PARG: variants seen among roughly 807,000 people sequenced by gnomAD.
PARG encodes the protein poly(ADP-ribose) glycohydrolase.
A neutral mutation model predicts 113.0 loss-of-function variants in PARG; 35 were observed. That is an observed-to-expected ratio of 0.31 (90% CI 0.24 to 0.41). The LOEUF is 0.41. Among genes scored for constraint, PARG ranks in the 10% least tolerant of loss-of-function variants. PARG has a pLI of 1.00. For missense variants in PARG, 797 were observed against 1,169.4 expected (o/e 0.68, Z 4.64); for synonymous variants, 330 against 409.9 (o/e 0.81, Z 2.36).
intron 9 of PARG, among the ~76,000 whole-genome samples, chr10:49,873,450 C>G (rs1221935943): frequency 1.3e-5 from 2 of 151,238 alleles, no homozygotes; most frequent in African/African-American, 4.9e-5. Context: ...GCACTCAGAG[C>G]ATTTTGCTCA....
At chr10:49,883,196 C>G (rs2573504) in intron 8 of PARG, among the ~76,000 whole-genome samples, 14 of 152,158 alleles carry the variant, frequency 9.2e-5, no homozygotes, top group African/African-American at 2.4e-4. Flanking sequence ...GACATGTATG[C>G]GTTGTTTTCT....
In PARG at chr10:49,848,337, G is replaced by A. The variant is rs1454522023; in HGVS notation, c.2354-4705C>T. ...GCACTCCAGCCTGGTGACAGAGTGA[G>A]ACTCTGTCTCAAAACAAACAGAAAA... On this transcript the variant is annotated intron_variant, in intron 13 of 17. Coordinates refer to ENST00000616448, the MANE Select transcript of PARG (RefSeq NM_003631.5). Among the ~76,000 whole-genome samples the A allele has an allele frequency of 2.7e-5, 4 of 148,464 alleles. 1 individual carries two copies. In the South Asian group the frequency reaches 6.6e-4, roughly 25 times the overall value.
At chr10:49,894,254 T>C (rs2941180) in intron 7 of PARG, among the ~76,000 whole-genome samples, 1 of 150,140 alleles carries the variant, frequency 6.7e-6, no homozygotes, top group Non-Finnish European at 1.5e-5. Flanking sequence ...GTTGCCCAGG[T>C]TGGCCTTGAA....
chr10:49,930,384 T>A (rs2132957054), intron 4 of PARG, among the ~76,000 whole-genome samples: 1 of 151,364 alleles, frequency 6.6e-6, no homozygotes, highest in African/African-American at 2.4e-5. Flanking sequence ...ACTTCTGTTT[T>A]CCTTACATGC....
intron 8 of PARG, among the ~76,000 whole-genome samples, chr10:49,881,690 A>G (rs1188602433): frequency 6.6e-6 from 1 of 152,242 alleles, no homozygotes; most frequent in East Asian, 1.9e-4. Context: ...ACAGAAGTAC[A>G]CACCACTGCT....
At position 49,891,701 on chromosome 10, in the gene PARG, C is replaced by T. The variant is rs1325739628; in HGVS notation, c.1738-6406G>A. Among the ~76,000 whole-genome samples, 5 of 138,616 alleles carry T rather than the reference C, an allele frequency of 3.6e-5. No homozygotes were observed. In the South Asian group the frequency reaches 1.2e-3, roughly 33 times the overall value. 90.9% of individuals were successfully genotyped at this position (138,616 alleles called of 152,430 possible). A position where few individuals can be genotyped will look rare whatever the true frequency, so the allele number is the denominator to read the frequency against. ...CTGGAGTGCAGTGGCATGATCTCAG[C>T]TCACTGCAACCTCCACCTCCCAGAT... On this transcript the variant is annotated intron_variant, in intron 7 of 17. Transcript: ENST00000616448.
intron 7 of PARG, among the ~76,000 whole-genome samples, chr10:49,888,351 CCTTT>C (rs1564633628): frequency 6.6e-6 from 1 of 151,838 alleles, no homozygotes; most frequent in African/African-American, 2.4e-5. Flanking sequence ...TTCCATGATT[CCTTT>C]TTTTTATAAT....
chr10:49,926,653 A>C (rs1275056571), intron 4 of PARG, among the ~76,000 whole-genome samples: 1 of 152,162 alleles, frequency 6.6e-6, no homozygotes, highest in African/African-American at 2.4e-5. Flanking sequence ...TGCTGATCCC[A>C]AGTTTCTAGG....
intron 16 of PARG, among the ~76,000 whole-genome samples, chr10:49,827,168 G>A (rs782677764): frequency 1.3e-5 from 2 of 152,154 alleles, no homozygotes; most frequent in African/African-American, 2.4e-5. Flanking sequence ...ATCTTACAAG[G>A]GACCGAAGTA....
chr10:49,920,491 TATATATAC>T lies in PARG; in HGVS notation c.1662+1837_1662+1844del, dbSNP rs1331049284. Among the ~76,000 whole-genome samples the T allele has an allele frequency of 4.2e-3, 422 of 99,388 alleles. 4 individuals carry two copies. Among genetic ancestry groups the T allele is most frequent in the African/African-American group, 0.014 (363 of 26,256 alleles). 65.2% of individuals were successfully genotyped at this position (99,388 alleles called of 152,430 possible). The stretch of plus-strand genomic sequence containing the variant: ...ATATATATATATATATATATATATA[TATATATAC>T]ACACACACACACATATATATGTATA... On this transcript the variant is annotated intron_variant, in intron 6 of 17. Coordinates refer to ENST00000616448, the MANE Select transcript of PARG (RefSeq NM_003631.5).
chr10:49,824,467 T>C (rs556701664), intron 16 of PARG, among the ~76,000 whole-genome samples: 1 of 152,364 alleles, frequency 6.6e-6, no homozygotes, highest in Non-Finnish European at 1.5e-5. Flanking sequence ...AATAATCACT[T>C]AAATTAACCT....
chr10:49,879,836 A>G lies in PARG; in HGVS notation c.1831-6T>C, dbSNP rs782086814. 2.9e-5 allele frequency: 30 copies of G among 1,046,706 alleles called. No individual in the cohort carries two copies. Among genetic ancestry groups the G allele is most frequent in the Non-Finnish European group, 3.9e-5 (27 of 687,620 alleles). The allele number at this position is 1,046,706 out of a possible 1,614,324, so 64.8% of individuals were successfully genotyped here. A position where few individuals can be genotyped will look rare whatever the true frequency, so the allele number is the denominator to read the frequency against. On this transcript the variant is annotated splice_polypyrimidine_tract_variant and splice_region_variant and intron_variant, in intron 8 of 17. Coordinates refer to ENST00000616448, the MANE Select transcript of PARG (RefSeq NM_003631.5). ...TGTTTCAGGAGTGGTATTGGCTGAT[A>G]AAAGAAACAAAAAAATACAGACGAG... is the stretch of plus-strand genomic sequence containing the variant.
intron 7 of PARG, among the ~76,000 whole-genome samples, chr10:49,891,617 ATATATATTTTTT>A (rs1186658266): frequency 4.1e-5 from 2 of 48,288 alleles, no homozygotes; most frequent in East Asian, 6.2e-4. Context: ...ATATATATAT[ATATATATTTTTT>A]TTTTTTTTTT....
chr10:49,837,153 T>C (rs370227253), intron 15 of PARG, among the ~76,000 whole-genome samples: 67 of 152,204 alleles, frequency 4.4e-4, no homozygotes, highest in African/African-American at 1.5e-3. Flanking sequence ...CAGGTCACGA[T>C]GTGGGTCCAA....
chr10:49,842,837 T>C (rs1845311095), intron 14 of PARG, among the ~76,000 whole-genome samples: 1 of 152,206 alleles, frequency 6.6e-6, no homozygotes, highest in Non-Finnish European at 1.5e-5. Context: ...GTTGCAACCA[T>C]ATATTTTAAA....
intron 16 of PARG, among the ~76,000 whole-genome samples, chr10:49,821,616 G>A (rs537399859): frequency 2.6e-5 from 4 of 152,224 alleles, no homozygotes; most frequent in Admixed American, 1.3e-4. Context: ...CTGACCTCAA[G>A]TGATCTGCCC....
chr10:49,903,250 C>T (rs1157408795), intron 7 of PARG, among the ~76,000 whole-genome samples: 1 of 151,936 alleles, frequency 6.6e-6, no homozygotes, highest in Middle Eastern at 3.2e-3. Context: ...TGCACTCCAG[C>T]CTGGAGGACA....
intron 15 of PARG, among the ~76,000 whole-genome samples, chr10:49,841,130 G>A (rs1283976382): frequency 6.6e-6 from 1 of 152,090 alleles, no homozygotes; most frequent in Admixed American, 6.6e-5. Flanking sequence ...GCAGGCGCTT[G>A]TAATCTCAGT....
intron 6 of PARG, among the ~76,000 whole-genome samples, chr10:49,916,648 C>CAAT (rs1837487727): frequency 1.3e-5 from 2 of 151,986 alleles, no homozygotes. Context: ...TTTGAATAGG[C>CAAT]AATACTATAC....
Sources: allele counts gnomAD v4.1 joint callset (sites outside exome capture counted in the v4.1 genomes callset), GRCh38; gene constraint gnomAD v4.1.1; transcripts MANE v1.5; gene names NCBI Gene and HGNC (gene_info 2026-07-23, HGNC 2026-07-21).